The following TOP2B variants were observed in gnomAD, a reference collection of about 807,000 sequenced individuals.
The protein encoded by TOP2B is DNA topoisomerase II beta.
Under a neutral mutation model 193.5 loss-of-function variants are expected in TOP2B, and 51 were observed. The ratio of observed to expected loss-of-function variants is 0.26; its 90% CI spans 0.21 to 0.33. TOP2B has a LOEUF of 0.33. Ranked by LOEUF, TOP2B falls within the 10% of genes least tolerant of loss-of-function variation. The pLI, the probability that TOP2B is intolerant of heterozygous loss-of-function variation, is 1.00. For synonymous variants in TOP2B, 634 were observed against 635.7 expected, an observed-to-expected ratio of 1.00 and a Z score of 0.04; for missense variants, 1,378 against 1,909.3, an observed-to-expected ratio of 0.72 and a Z score of 5.19.
chr3:25,648,896 C>G (rs1703495491), intron 1 of TOP2B, among the ~76,000 whole-genome samples: 1 of 151,926 alleles, frequency 6.6e-6, no homozygotes, highest in African/African-American at 2.4e-5. Context: ...CAAATTGAGC[C>G]TAAAGAAATG....
At chr3:25,599,171 T>A (rs1002399750) in intron 35 of TOP2B, among the ~76,000 whole-genome samples, 4 of 152,172 alleles carry the variant, frequency 2.6e-5, no homozygotes, top group African/African-American at 9.7e-5. Flanking sequence ...AAGAGTCTAA[T>A]ATTTAGGTAG....
At chr3:25,624,239 T>C (rs951163580) in intron 20 of TOP2B, 58 bp downstream of exon 20, 2 of 1,575,514 alleles carry the variant, frequency 1.3e-6, no homozygotes, top group African/African-American at 1.3e-5. Flanking sequence ...ATCGAACATT[T>C]AGTTAGTTGG....
rs1702617446 is a variant in TOP2B, at chr3:25,620,033, C to T, written c.2892G>A (p.Met964Ile). 3.9e-6 allele frequency: 6 copies of T among 1,558,050 alleles called. No individual in the cohort carries two copies. Among genetic ancestry groups the T allele is most frequent in the Non-Finnish European group, 5.2e-6 (6 of 1,145,002 alleles). ...QVYKEQVLEP[M>I]LNGTDKTPAL... ...CTGGTGTTTTATCTGTTCCATTTAG[C>T]ATAGGTTCTAAAACCTGTTCTTTAT... Residue 964 changes from methionine (M) to isoleucine (I), a missense_variant, in exon 23 of 36, where the codon ATG becomes ATA. Transcript: ENST00000264331.
chr3:25,619,424 A>G (rs369740062), intron 23 of TOP2B, among the ~76,000 whole-genome samples: 1 of 152,178 alleles, frequency 6.6e-6, no homozygotes, highest in South Asian at 2.1e-4. Context: ...GCTAATTTGG[A>G]ATGGAACTTG....
intron 8 of TOP2B, 77 bp downstream of exon 8, chr3:25,633,764 T>C: frequency 7.8e-7 from 1 of 1,282,380 alleles, no homozygotes; most frequent in Non-Finnish European, 1.0e-6. Flanking sequence ...GGGTTGTGGA[T>C]ATTGTTATTT....
Position 25,607,430 on chromosome 3 carries a change from G to C in TOP2B, c.4094-55C>G, listed in dbSNP as rs1466391890. The C allele has an allele frequency of 7.3e-6, 11 of 1,509,906 alleles. No individual in the cohort carries two copies. In the East Asian group the frequency reaches 2.7e-4, roughly 37 times the overall value. The allele number at this position is 1,509,906 out of a possible 1,614,324, so 93.5% of individuals were successfully genotyped here. On this transcript the variant is annotated intron_variant, in intron 30 of 35. Transcript: ENST00000264331. The stretch of plus-strand genomic sequence containing the variant: ...ACTCAAATCCTAGCTTTGTATACAT[G>C]AATTATTATTACTGATAAAGCATTT...
intron 7 of TOP2B, among the ~76,000 whole-genome samples, chr3:25,635,555 T>C (rs1363242089): frequency 1.3e-5 from 2 of 152,036 alleles, no homozygotes; most frequent in East Asian, 3.9e-4. Context: ...ACAAAAAACA[T>C]AGAAGGCATG....
At position 25,637,308 on chromosome 3, in the gene TOP2B, A is replaced by G. The variant is rs1703131641; in HGVS notation, c.546T>C (p.Gly182=). Residue 182 remains glycine, a synonymous_variant, in exon 6 of 36, where the codon GGT becomes GGC. Coordinates refer to ENST00000264331, the MANE Select transcript of TOP2B (RefSeq NM_001330700.2). Reference sequence around the variant, plus strand: ...AAAGTTTTGCACCATAACCATTACGACCACCTGTAAGAAAAATTAAATGTA... The same window carrying G: ...AAAGTTTTGCACCATAACCATTACGGCCACCTGTAAGAAAAATTAAATGTA... ...YDDDEKKVTG[G]RNGYGAKLCN... is the part of the protein sequence containing the mutation. 1 of 1,548,282 alleles carries G rather than the reference A, an allele frequency of 6.5e-7. No individual in the cohort carries two copies. Among genetic ancestry groups the G allele is most frequent in the Non-Finnish European group, 8.7e-7 (1 of 1,145,038 alleles).
intron 30 of TOP2B, among the ~76,000 whole-genome samples, chr3:25,607,733 A>G (rs1200651606): frequency 6.6e-6 from 1 of 152,232 alleles, no homozygotes; most frequent in Non-Finnish European, 1.5e-5. Flanking sequence ...AATGTTTCCC[A>G]TATTTGCAAT....
intron 1 of TOP2B, among the ~76,000 whole-genome samples, chr3:25,657,411 T>C (rs188726341): frequency 2.0e-5 from 3 of 152,338 alleles, no homozygotes; most frequent in Admixed American, 2.0e-4. Context: ...TCCCTTGCTG[T>C]TATCATCACT....
intron 6 of TOP2B, among the ~76,000 whole-genome samples, chr3:25,636,514 C>T (rs982082873): frequency 2.0e-5 from 3 of 151,984 alleles, no homozygotes; most frequent in Non-Finnish European, 2.9e-5. Context: ...TATGCAAATA[C>T]TACCCCATTT....
intron 18 of TOP2B, 138 bp from the exon 19 acceptor site, chr3:25,624,941 C>G: frequency 1.3e-6 from 1 of 758,280 alleles, no homozygotes; most frequent in Non-Finnish European, 2.1e-6. Context: ...AAAGTGAGTA[C>G]ATACTAACAC....
At chr3:25,662,871 T>A (rs1703957685) in intron 1 of TOP2B, among the ~76,000 whole-genome samples, 1 of 152,200 alleles carries the variant, frequency 6.6e-6, no homozygotes, top group African/African-American at 2.4e-5. Context: ...TTTTCCGATG[T>A]CTGATTTTAG....
chr3:25,664,862 G>T lies in TOP2B; in HGVS notation c.-565C>A. 1.0e-6 allele frequency: 1 copy of T among 990,352 alleles called. No homozygotes were observed. The highest frequency in any genetic ancestry group is 1.2e-6 in the Non-Finnish European group (1 of 832,594). 61.3% of individuals were successfully genotyped at this position (990,352 alleles called of 1,614,324 possible). A position where few individuals can be genotyped will look rare whatever the true frequency, so the allele number is the denominator to read the frequency against. ...GACAATAAACAGAGCCGCCGCCGCC[G>T]CCGCCACGGTCACCTCCCTCTTGTC... On this transcript the variant is annotated 5_prime_UTR_variant, in exon 1 of 36. Coordinates refer to ENST00000264331, the MANE Select transcript of TOP2B (RefSeq NM_001330700.2).
chr3:25,602,418 A>AAAAAAG (rs1702124288), intron 33 of TOP2B, among the ~76,000 whole-genome samples: 2 of 105,038 alleles, frequency 1.9e-5, no homozygotes, highest in South Asian at 3.0e-4. Context: ...AAGAAAAAGA[A>AAAAAAG]AAAAAAAAAA....
intron 1 of TOP2B, among the ~76,000 whole-genome samples, chr3:25,650,195 A>G (rs1703544621): frequency 6.6e-6 from 1 of 152,246 alleles, no homozygotes; most frequent in Non-Finnish European, 1.5e-5. Context: ...TGATGGAGAA[A>G]GACTCTGGTG....
intron 1 of TOP2B, among the ~76,000 whole-genome samples, chr3:25,648,037 GACA>G (rs111602532): frequency 0.024 from 3,579 of 152,252 alleles, 128 homozygotes; most frequent in African/African-American, 0.079. Flanking sequence ...AAACAAACAA[GACA>G]ACAACAACTT....
intron 30 of TOP2B, 122 bp from the exon 31 acceptor site, chr3:25,607,497 AAAGC>A (rs1702264430): frequency 2.4e-6 from 3 of 1,275,502 alleles, no homozygotes; most frequent in African/African-American, 1.5e-5. Context: ...ATAAGAAATA[AAAGC>A]AAGCATTTAC....
At chr3:25,639,872 A>G (rs1467455225) in intron 4 of TOP2B, among the ~76,000 whole-genome samples, 3 of 152,220 alleles carry the variant, frequency 2.0e-5, no homozygotes, top group Non-Finnish European at 4.4e-5. Flanking sequence ...GTTGTACTAT[A>G]TATCCTATAT....
Sources: allele counts gnomAD v4.1 joint callset (sites outside exome capture counted in the v4.1 genomes callset), GRCh38; gene constraint gnomAD v4.1.1; transcripts MANE v1.5; gene names NCBI Gene and HGNC (gene_info 2026-07-23, HGNC 2026-07-21).